The following NDUFAF6 variants were observed in gnomAD, a reference collection of about 807,000 sequenced individuals.
The protein encoded by NDUFAF6 is NADH dehydrogenase (ubiquinone) complex I, assembly factor 6.
Under a neutral mutation model 40.8 loss-of-function variants are expected in NDUFAF6, and 45 were observed. That is an observed-to-expected ratio of 1.10 (90% confidence interval 0.87 to 1.42). NDUFAF6 has a LOEUF of 1.42. Among genes scored for constraint, NDUFAF6 ranks in the 40% most tolerant of loss-of-function variants. The probability of loss-of-function intolerance (pLI) is 0.00; values close to 1 mark genes in which losing one functional copy is unlikely to be tolerated. For synonymous variants in NDUFAF6, 185 were observed against 155.9 expected (o/e 1.19, Z -1.39); for missense variants, 435 against 418.5 (o/e 1.04, Z -0.34).
intron 1 of NDUFAF6, among the ~76,000 whole-genome samples, chr8:94,964,098 G>A (rs1021892455): frequency 5.3e-5 from 8 of 152,142 alleles, no homozygotes; most frequent in East Asian, 1.9e-4. Flanking sequence ...GAACCCTGGC[G>A]GTAGGACCCT....
At chr8:94,998,178 T>C (rs1482106650) in intron 2 of NDUFAF6, among the ~76,000 whole-genome samples, 1 of 152,200 alleles carries the variant, frequency 6.6e-6, no homozygotes, top group Admixed American at 6.5e-5. Context: ...ATAAATCTTG[T>C]CTTTCTTATA....
intron 1 of NDUFAF6, among the ~76,000 whole-genome samples, chr8:94,919,646 A>G (rs556809309): frequency 1.3e-5 from 2 of 152,212 alleles, no homozygotes; most frequent in Non-Finnish European, 2.9e-5. Flanking sequence ...AGCCCTCTAG[A>G]GTGATAGCCA....
chr8:95,011,258 A>G (rs1563787838), intron 2 of NDUFAF6, among the ~76,000 whole-genome samples: 1 of 152,158 alleles, frequency 6.6e-6, no homozygotes, highest in Non-Finnish European at 1.5e-5. Flanking sequence ...AAAACTTCAA[A>G]TCTTATCCAT....
chr8:95,035,947 GT>G (rs11320019), intron 3 of NDUFAF6, among the ~76,000 whole-genome samples: 248 of 152,250 alleles, frequency 1.6e-3, no homozygotes, highest in African/African-American at 5.7e-3. Context: ...TTTAATCCAG[GT>G]TTTGGGCATA....
At chr8:95,104,308 T>C (rs552574338), downstream of NDUFAF6, among the ~76,000 whole-genome samples, 10 of 152,332 alleles carry the variant, frequency 6.6e-5, no homozygotes, top group South Asian at 2.1e-4. Flanking sequence ...AAATAATCAG[T>C]TGGAACTGAG....
At chr8:94,982,923 C>T (rs560217066) in intron 2 of NDUFAF6, among the ~76,000 whole-genome samples, 2 of 152,310 alleles carry the variant, frequency 1.3e-5, no homozygotes, top group East Asian at 1.9e-4. Flanking sequence ...TGTGCATGTT[C>T]GTTATGTGGT....
intron 2 of NDUFAF6, among the ~76,000 whole-genome samples, chr8:95,091,807 AT>A (rs11326080): frequency 0.69 from 92,165 of 132,944 alleles, 32,343 homozygotes; most frequent in East Asian, 0.89. Flanking sequence ...CCCCTGGCTA[AT>A]TTTTTTTTTT....
chr8:95,085,388 C>A (rs1809010733), intron 2 of NDUFAF6, among the ~76,000 whole-genome samples: 1 of 152,178 alleles, frequency 6.6e-6, no homozygotes, highest in African/African-American at 2.4e-5. Context: ...ATCCTACGTA[C>A]TATGGTTCAA....
Position 94,988,704 on chromosome 8 carries a change from T to A in NDUFAF6, c.-84+7731T>A, listed in dbSNP as rs149351485. On this transcript the variant is annotated intron_variant, in intron 2 of 9. Coordinates refer to the NDUFAF6 transcript ENST00000396111. The stretch of plus-strand genomic sequence containing the variant: ...AGATTTAATGGAATGAGCCCTGGAT[T>A]GGGAGCCAGGGGACCTGGCTTTGAA... 4.1e-3 allele frequency: 625 copies of A among 152,342 alleles called. 5 individuals are homozygous for A. Among genetic ancestry groups the A allele is most frequent in the African/African-American group, 0.014 (602 of 41,576 alleles). 9.4% of individuals were successfully genotyped at this position (152,342 alleles called of 1,614,324 possible).
chr8:94,898,529 G>C (rs1207764643), intron 1 of NDUFAF6, among the ~76,000 whole-genome samples: 1 of 152,154 alleles, frequency 6.6e-6, no homozygotes, highest in Admixed American at 6.6e-5. Flanking sequence ...ATCATACTAA[G>C]AGTTCATACC....
chr8:95,100,641 G>A (rs920369606), intron 1 of NDUFAF6: 4 of 152,190 alleles, frequency 2.6e-5, no homozygotes, highest in African/African-American at 9.7e-5. Context: ...TAGTTCAGAA[G>A]GGGTTGGGAA....
rs1219046571 is a variant in NDUFAF6 at position 95,047,238 on chromosome 8, T to G, written c.714+111T>G. On this transcript the variant is annotated intron_variant, in intron 6 of 8. Coordinates refer to ENST00000396124, the MANE Select transcript of NDUFAF6 (RefSeq NM_152416.4). The stretch of plus-strand genomic sequence containing the variant: ...CAAGTAATTGCTTTGAAAGGAATGC[T>G]TATTGCTTACTAAAAATGGCCTTCC... 3 of 1,435,014 alleles carry G rather than the reference T, an allele frequency of 2.1e-6. No individual in the cohort carries two copies. The African/African-American group carries it at 4.2e-5, about 20-fold the overall frequency. 88.9% of individuals were successfully genotyped at this position (1,435,014 alleles called of 1,614,324 possible).
chr8:95,035,517 G>A lies in NDUFAF6; in HGVS notation c.361G>A (p.Val121Met), dbSNP rs1829393815. The A allele has an allele frequency of 6.2e-7, 1 of 1,613,396 alleles. No homozygotes were observed. Among genetic ancestry groups the A allele is most frequent in the Non-Finnish European group, 8.5e-7 (1 of 1,179,742 alleles). ...GCGAATGCAGTTTTGGAAAAAAACT[G>A]TGGAAGATATATACTGTGACAATCC... Reference protein sequence around the residue: ...LMRMQFWKKTVEDIYCDNPPH... With the variant: ...LMRMQFWKKTMEDIYCDNPPH... Residue 121 changes from valine (V) to methionine (M), a missense_variant, in exon 3 of 9, where the codon GTG (valine) becomes ATG (methionine). By Grantham distance (21) the Val-to-Met change is conservative (BLOSUM62 1). Transcript: ENST00000396124.
At chr8:95,018,596 G>T (rs963539007) in intron 2 of NDUFAF6, among the ~76,000 whole-genome samples, 2 of 152,018 alleles carry the variant, frequency 1.3e-5, no homozygotes, top group Admixed American at 6.6e-5. Flanking sequence ...AAGACAGGTG[G>T]GGGTGGGAAG....
intron 8 of NDUFAF6, among the ~76,000 whole-genome samples, chr8:95,057,112 G>T (rs939653363): frequency 2.6e-5 from 4 of 152,136 alleles, no homozygotes; most frequent in Non-Finnish European, 5.9e-5. Context: ...GGACGAGGAG[G>T]TCTCGTGCCG....
At chr8:94,951,435 AAC>A (rs1398226228) in intron 2 of NDUFAF6, 1 of 152,226 alleles carries the variant, frequency 6.6e-6, no homozygotes, top group African/African-American at 2.4e-5. Flanking sequence ...CGATAACCAA[AAC>A]ACAAAGCTAA....
intron 1 of NDUFAF6, among the ~76,000 whole-genome samples, chr8:94,931,442 A>G (rs551897529): frequency 8.6e-4 from 131 of 152,330 alleles, no homozygotes; most frequent in Non-Finnish European, 1.2e-3. Flanking sequence ...TATGTTTTCC[A>G]TATAAAAAAG....
intron 1 of NDUFAF6, among the ~76,000 whole-genome samples, chr8:95,029,749 C>T (rs930131012): frequency 2.0e-5 from 3 of 152,150 alleles, no homozygotes; most frequent in African/African-American, 7.2e-5. Context: ...AATATTTTCT[C>T]TTGACATGCA....
intron 2 of NDUFAF6, among the ~76,000 whole-genome samples, chr8:95,033,748 A>G (rs1202150042): frequency 6.6e-6 from 1 of 152,190 alleles, no homozygotes; most frequent in Non-Finnish European, 1.5e-5. Flanking sequence ...CTGTACAGAT[A>G]TGTGGGCAAA....
Sources: gnomAD v4.1 joint callset for allele counts (sites outside exome capture counted in the v4.1 genomes callset) on GRCh38, gnomAD v4.1.1 for gene constraint, MANE v1.5 for transcripts, NCBI Gene and HGNC (gene_info 2026-07-23, HGNC 2026-07-21) for gene names.